PSMA3: variants seen among roughly 807,000 people sequenced by gnomAD.
PSMA3 encodes the protein proteasome 20S subunit alpha 3.
A neutral mutation model predicts 40.0 loss-of-function variants in PSMA3; 8 were observed. The observed-to-expected ratio is 0.20, with a 90% confidence interval of 0.12 to 0.36. The LOEUF is 0.36. Ranked by LOEUF, PSMA3 falls within the 10% of genes least tolerant of loss-of-function variation. PSMA3 has a pLI of 1.00. For synonymous variants in PSMA3, 110 were observed against 100.0 expected (o/e 1.10, Z -0.59); for missense variants, 219 against 310.6 (o/e 0.70, Z 2.22).
Position 58,263,963 on chromosome 14 carries a change from A to G in PSMA3, c.543+193A>G, listed in dbSNP as rs796229032. Reference sequence around the variant, plus strand: ...TCATCATGTGTTAAGAAAGTTTACGAATTTGTGTTTGGCCCCATGTGGCCT... The same window carrying G: ...TCATCATGTGTTAAGAAAGTTTACGGATTTGTGTTTGGCCCCATGTGGCCT... On this transcript the variant is annotated intron_variant, in intron 7 of 10. Coordinates refer to ENST00000216455, the MANE Select transcript of PSMA3 (RefSeq NM_002788.4). 1.1e-4 allele frequency among the ~76,000 whole-genome samples: 17 copies of G among 152,264 alleles called. 1 individual carries two copies. The highest frequency in any genetic ancestry group is 3.4e-4 in the African/African-American group (14 of 41,562).
At chr14:58,260,337 T>C (rs1408742192) in intron 5 of PSMA3, among the ~76,000 whole-genome samples, 1 of 152,240 alleles carries the variant, frequency 6.6e-6, no homozygotes, top group African/African-American at 2.4e-5. Flanking sequence ...AAATCACAGT[T>C]GTTCAGTACA....
intron 3 of PSMA3, among the ~76,000 whole-genome samples, chr14:58,254,340 A>ATATATATATATATG: frequency 1.4e-4 from 5 of 34,806 alleles, no homozygotes; most frequent in African/African-American, 4.8e-4. Context: ...ATGCATATAT[A>ATATATATATATATG]TATGTATGTA....
chr14:58,262,597 C>G (rs1350619382), intron 6 of PSMA3, among the ~76,000 whole-genome samples: 1 of 148,228 alleles, frequency 6.7e-6, no homozygotes, highest in Non-Finnish European at 1.5e-5. Flanking sequence ...GAGTCTTGCT[C>G]AGTTGCCCAG....
intron 2 of PSMA3, among the ~76,000 whole-genome samples, chr14:58,248,293 G>A (rs746594876): frequency 1.3e-5 from 2 of 152,152 alleles, no homozygotes; most frequent in South Asian, 2.1e-4. Flanking sequence ...GCAGTGGCAC[G>A]ATCTTGGCTC....
chr14:58,258,090 A>G, intron 5 of PSMA3, 92 bp downstream of exon 5: 1 of 945,684 alleles, frequency 1.1e-6, no homozygotes, highest in Non-Finnish European at 1.6e-6. Context: ...ATACTTAAAA[A>G]TAGAAACTCG....
chr14:58,271,929 C>A lies in PSMA3; in HGVS notation c.*34C>A. On this transcript the variant is annotated 3_prime_UTR_variant, in exon 11 of 11. Transcript: ENST00000216455. ...CCAGCATCTATTGTATTTTAAATTT[C>A]TACTCCAGTCCAATGTAACTATTTA... The A allele has an allele frequency of 6.9e-7, 1 of 1,444,390 alleles. No individual in the cohort carries two copies. Among genetic ancestry groups the A allele is most frequent in the African/African-American group, 1.4e-5 (1 of 71,674 alleles). 89.5% of individuals were successfully genotyped at this position (1,444,390 alleles called of 1,614,324 possible).
chr14:58,252,933 C>T (rs1160708726), intron 3 of PSMA3, among the ~76,000 whole-genome samples: 2 of 151,330 alleles, frequency 1.3e-5, no homozygotes, highest in African/African-American at 2.4e-5. Flanking sequence ...ACATAAATTA[C>T]CTTGTTTAAT....
chr14:58,254,606 G>T (rs1047468666), intron 3 of PSMA3, among the ~76,000 whole-genome samples: 1 of 151,812 alleles, frequency 6.6e-6, no homozygotes, highest in African/African-American at 2.4e-5. Context: ...GAGTTGCTGA[G>T]ATTACAGGCA....
In PSMA3 at chr14:58,263,690, T is replaced by G; in HGVS notation, c.478-15T>G. The G allele has an allele frequency of 6.2e-7, 1 of 1,602,434 alleles. No individual in the cohort carries two copies. The highest frequency in any genetic ancestry group is 8.5e-7 in the Non-Finnish European group (1 of 1,170,272). ...TGTACTAATTCAGTGATTATATATATTTTTTTCTAAATAGGGTTATTGGGG... is the reference window on the plus strand; with the variant it reads ...TGTACTAATTCAGTGATTATATATAGTTTTTTCTAAATAGGGTTATTGGGG... On this transcript the variant is annotated splice_polypyrimidine_tract_variant and intron_variant, in intron 6 of 10. Coordinates refer to ENST00000216455, the MANE Select transcript of PSMA3 (RefSeq NM_002788.4).
At chr14:58,269,225 C>T (rs999798949) in intron 8 of PSMA3, among the ~76,000 whole-genome samples, 5 of 152,096 alleles carry the variant, frequency 3.3e-5, no homozygotes, top group Non-Finnish European at 7.4e-5. Context: ...AACCACCGCA[C>T]CTGGCCTCTT....
Position 58,246,564 on chromosome 14 carries a change from A to T in PSMA3, c.22-1186A>T, listed in dbSNP as rs181182669. Among the ~76,000 whole-genome samples the T allele has an allele frequency of 9.8e-4, 149 of 151,646 alleles. 2 individuals carry two copies. The highest frequency in any genetic ancestry group is 9.7e-3 in the Admixed American group (148 of 15,274). Reference sequence around the variant, plus strand: ...CAGGTGCGCACCACCACGCCCAGCTAATTTTTGTATTTTTCGTAGAGATGA... The same window carrying T: ...CAGGTGCGCACCACCACGCCCAGCTTATTTTTGTATTTTTCGTAGAGATGA... On this transcript the variant is annotated intron_variant, in intron 1 of 10. Transcript: ENST00000216455.
chr14:58,270,280 C>G, intron 8 of PSMA3, 138 bp from the exon 9 acceptor site: 1 of 1,213,256 alleles, frequency 8.2e-7, no homozygotes, highest in Non-Finnish European at 1.1e-6. Context: ...ATGTTAAATA[C>G]TATGTAGAAT....
chr14:58,262,328 C>T (rs1181395861), intron 6 of PSMA3, among the ~76,000 whole-genome samples: 1 of 152,050 alleles, frequency 6.6e-6, no homozygotes, highest in Non-Finnish European at 1.5e-5. Context: ...CCTCAGCCTC[C>T]CGAGTAGGCT....
intron 8 of PSMA3, 83 bp from the exon 9 acceptor site, chr14:58,270,335 C>G (rs1890578639): frequency 6.5e-7 from 1 of 1,549,248 alleles, no homozygotes; most frequent in African/African-American, 1.4e-5. Context: ...GATGGACATT[C>G]TAATTTGTAC....
At chr14:58,271,035 C>T in intron 10 of PSMA3, 37 bp downstream of exon 10, 2 of 1,504,962 alleles carry the variant, frequency 1.3e-6, no homozygotes, top group Non-Finnish European at 1.8e-6. Flanking sequence ...TGGCCAGGTA[C>T]AGTCAGGGAA....
At chr14:58,261,139 TTC>T in intron 6 of PSMA3, 119 bp downstream of exon 6, 14 of 738,992 alleles carry the variant, frequency 1.9e-5, no homozygotes, top group East Asian at 8.7e-5. Context: ...AAAGTAATTT[TTC>T]TTTTTTTTTT....
chr14:58,247,948 A>C (rs1889915681), intron 2 of PSMA3, 116 bp downstream of exon 2: 3 of 642,992 alleles, frequency 4.7e-6, no homozygotes, highest in African/African-American at 1.8e-5. Context: ...ATCTCAATTT[A>C]TTCATTTCCA....
chr14:58,250,856 A>G (rs1447144735), intron 2 of PSMA3, among the ~76,000 whole-genome samples: 1 of 152,220 alleles, frequency 6.6e-6, no homozygotes, highest in Non-Finnish European at 1.5e-5. Flanking sequence ...TAGGCCTGAA[A>G]TTATAAGGAT....
intron 7 of PSMA3, chr14:58,265,282 G>C (rs1391585292): frequency 6.6e-6 from 1 of 152,022 alleles, no homozygotes; most frequent in Non-Finnish European, 1.5e-5. Context: ...AAGGAAATTA[G>C]AATATTTAGA....
Sources: allele counts gnomAD v4.1 joint callset (sites outside exome capture counted in the v4.1 genomes callset), GRCh38; gene constraint gnomAD v4.1.1; transcripts MANE v1.5; gene names NCBI Gene and HGNC (gene_info 2026-07-23, HGNC 2026-07-21).